Variants in TMEM178B observed in about 807,000 individuals in gnomAD.
TMEM178B encodes transmembrane protein 178B.
In TMEM178B, 5 loss-of-function variants were observed where a neutral mutation model predicts 31.0. That is an observed-to-expected ratio of 0.16 (90% CI 0.08 to 0.34). TMEM178B has a LOEUF of 0.34. TMEM178B is among the 10% of genes least tolerant of loss of function. The pLI is 1.00. For synonymous variants in TMEM178B, 164 were observed against 164.0 expected, an observed-to-expected ratio of 1.00 and a Z score of 0.00; for missense variants, 275 against 400.3, an observed-to-expected ratio of 0.69 and a Z score of 2.67.
intron 1 of TMEM178B, among the ~76,000 whole-genome samples, chr7:141,193,549 G>C (rs1288643768): frequency 6.6e-6 from 1 of 152,226 alleles, no homozygotes; most frequent in Non-Finnish European, 1.5e-5. Flanking sequence ...TGTTTGGGAA[G>C]TGAGAGTGGC....
the TMEM178B span, among the ~76,000 whole-genome samples, chr7:141,488,623 A>T: frequency 2.0e-5 from 3 of 152,020 alleles, no homozygotes; most frequent in African/African-American, 7.2e-5. Flanking sequence ...CATTTTTAGT[A>T]GAGACGGGGT....
At chr7:141,354,140 G>T (rs1332037557) in intron 2 of TMEM178B, among the ~76,000 whole-genome samples, 9 of 152,178 alleles carry the variant, frequency 5.9e-5, no homozygotes, top group Admixed American at 2.6e-4. Context: ...CAGTCTTTTA[G>T]CCCACTCTTG....
intron 1 of TMEM178B, among the ~76,000 whole-genome samples, chr7:141,203,579 C>A (rs1372797650): frequency 6.6e-6 from 1 of 152,226 alleles, no homozygotes; most frequent in Non-Finnish European, 1.5e-5. Flanking sequence ...TTGTTCCCAG[C>A]AAATCTTCCA....
intron 2 of TMEM178B, among the ~76,000 whole-genome samples, chr7:141,252,783 T>C (rs147261273): frequency 2.6e-5 from 4 of 152,332 alleles, no homozygotes; most frequent in Admixed American, 6.5e-5. Context: ...AGATGTGTTG[T>C]TGTCCAAAGT....
intron 3 of TMEM178B, among the ~76,000 whole-genome samples, chr7:141,469,062 A>G (rs181346676): frequency 2.0e-5 from 3 of 152,328 alleles, no homozygotes; most frequent in Admixed American, 2.0e-4. Context: ...CACCATGTTG[A>G]ACATGCCTAG....
At chr7:141,151,142 C>A (rs1258754084) in intron 1 of TMEM178B, among the ~76,000 whole-genome samples, 2 of 152,130 alleles carry the variant, frequency 1.3e-5, no homozygotes, top group Admixed American at 6.5e-5. Context: ...GACGAACACT[C>A]AAAATACTGT....
intron 2 of TMEM178B, among the ~76,000 whole-genome samples, chr7:141,389,277 G>C (rs565487553): frequency 6.6e-6 from 1 of 152,286 alleles, no homozygotes; most frequent in Non-Finnish European, 1.5e-5. Context: ...AATGGATAAC[G>C]TAGAAGGGAA....
At chr7:141,337,818 C>T (rs1799450371) in intron 2 of TMEM178B, among the ~76,000 whole-genome samples, 1 of 152,130 alleles carries the variant, frequency 6.6e-6, no homozygotes, top group East Asian at 1.9e-4. Context: ...AAAAGAGATC[C>T]AGCAGATAGC....
rs1796980314 is a variant in TMEM178B at position 141,207,167 on chromosome 7, G to A, written c.383-5424G>A. 2.6e-5 allele frequency among the ~76,000 whole-genome samples: 4 copies of A among 152,158 alleles called. No individual in the cohort carries two copies. The South Asian group carries it at 8.3e-4, about 32-fold the overall frequency. On this transcript the variant is annotated intron_variant, in intron 1 of 3. Transcript: ENST00000565468. Reference sequence around the variant, plus strand: ...TTGTAGGGATGCAATATTGCATATCGCATGGATACAGCTTTCCCTTATCCT... The same window carrying A: ...TTGTAGGGATGCAATATTGCATATCACATGGATACAGCTTTCCCTTATCCT...
At chr7:141,441,606 C>T (rs561797411) in intron 3 of TMEM178B, among the ~76,000 whole-genome samples, 30 of 152,166 alleles carry the variant, frequency 2.0e-4, no homozygotes, top group African/African-American at 7.0e-4. Context: ...GCTGGCCAGG[C>T]CTGGATGTGG....
At chr7:141,371,275 G>T (rs2116569295) in intron 2 of TMEM178B, among the ~76,000 whole-genome samples, 1 of 151,598 alleles carries the variant, frequency 6.6e-6, no homozygotes, top group East Asian at 2.0e-4. Context: ...CACTCTATTA[G>T]TTCCCTCTAG....
chr7:141,236,262 A>G (rs1465287087), intron 2 of TMEM178B, among the ~76,000 whole-genome samples: 1 of 152,206 alleles, frequency 6.6e-6, no homozygotes, highest in Non-Finnish European at 1.5e-5. Context: ...AGCTGCTCCC[A>G]AATTTGAGAA....
rs370075842 is a variant in TMEM178B, at chr7:141,449,435, A to C, written c.634+11690A>C. ...GAAGTGACCAAAAATAGCCTGACCCAAGGAAGGGGGGCACTCTCTGCCCTC... is the reference window on the plus strand; with the variant it reads ...GAAGTGACCAAAAATAGCCTGACCCCAGGAAGGGGGGCACTCTCTGCCCTC... On this transcript the variant is annotated intron_variant, in intron 3 of 3. Transcript: ENST00000565468. Among the ~76,000 whole-genome samples, 597 of 152,224 alleles carry C rather than the reference A, an allele frequency of 3.9e-3. 3 individuals carry two copies. The highest frequency in any genetic ancestry group is 0.011 in the African/African-American group (444 of 41,548).
At chr7:141,194,630 G>A (rs527864141) in intron 1 of TMEM178B, among the ~76,000 whole-genome samples, 36 of 152,288 alleles carry the variant, frequency 2.4e-4, no homozygotes, top group African/African-American at 8.2e-4. Flanking sequence ...CTAGGTGCAC[G>A]ATGCAAGCTG....
chr7:141,316,503 G>A lies in TMEM178B; in HGVS notation c.496+103799G>A, dbSNP rs929141265. Among the ~76,000 whole-genome samples the A allele has an allele frequency of 5.3e-5, 8 of 152,100 alleles. No homozygotes were observed. In the South Asian group the frequency reaches 1.7e-3, roughly 32 times the overall value. Reference sequence around the variant, plus strand: ...AAGTGAATCAGAGCAGTGATCTAGGGGGAGTCTTTCAAACTCTGGGACAGC... The same window carrying A: ...AAGTGAATCAGAGCAGTGATCTAGGAGGAGTCTTTCAAACTCTGGGACAGC... On this transcript the variant is annotated intron_variant, in intron 2 of 3. Coordinates refer to ENST00000565468, the MANE Select transcript of TMEM178B (RefSeq NM_001195278.2).
At chr7:141,340,361 A>G (rs1799495857) in intron 2 of TMEM178B, among the ~76,000 whole-genome samples, 1 of 152,248 alleles carries the variant, frequency 6.6e-6, no homozygotes, top group Admixed American at 6.5e-5. Flanking sequence ...CAGCAGCAAT[A>G]GATAACTAAC....
At chr7:141,112,850 C>T (rs1795256616) in intron 1 of TMEM178B, among the ~76,000 whole-genome samples, 1 of 152,166 alleles carries the variant, frequency 6.6e-6, no homozygotes. Flanking sequence ...TGATAAATGG[C>T]TTTTGCTGGG....
intron 1 of TMEM178B, among the ~76,000 whole-genome samples, chr7:141,158,215 C>T (rs1322096369): frequency 6.6e-6 from 1 of 152,156 alleles, no homozygotes; most frequent in South Asian, 2.1e-4. Flanking sequence ...CTTGCCTCAG[C>T]CCCCCAAGTA....
chr7:141,088,574 A>G (rs539889508), intron 1 of TMEM178B, among the ~76,000 whole-genome samples: 3 of 152,284 alleles, frequency 2.0e-5, no homozygotes, highest in East Asian at 3.9e-4. Flanking sequence ...ATCTCTAGCC[A>G]GTCTTTCCAT....
Sources: gnomAD v4.1 joint callset for allele counts (sites outside exome capture counted in the v4.1 genomes callset) on GRCh38, gnomAD v4.1.1 for gene constraint, MANE v1.5 for transcripts, NCBI Gene and HGNC (gene_info 2026-07-23, HGNC 2026-07-21) for gene names.